The following PARD3B variants were observed in gnomAD, a reference collection of about 807,000 sequenced individuals.
The protein encoded by PARD3B is partitioning defective 3 homolog B.
PARD3B carries 103 observed loss-of-function variants against 130.2 expected under a neutral mutation model. The ratio of observed to expected loss-of-function variants is 0.79; its 90% CI spans 0.67 to 0.93. The LOEUF is 0.93. Ranked by LOEUF, PARD3B falls within the 40% of genes least tolerant of loss-of-function variation. The pLI, the probability that PARD3B is intolerant of heterozygous loss-of-function variation, is 0.00. For synonymous variants in PARD3B, 583 were observed against 553.2 expected, an observed-to-expected ratio of 1.05 and a Z score of -0.76; for missense variants, 1,609 against 1,499.2, an observed-to-expected ratio of 1.07 and a Z score of -1.21.
At chr2:205,326,853 T>C (rs1472680938) in intron 18 of PARD3B, among the ~76,000 whole-genome samples, 1 of 152,122 alleles carries the variant, frequency 6.6e-6, no homozygotes, top group South Asian at 2.1e-4. Context: ...TAAATACTTA[T>C]CATGTAGCAA....
chr2:204,692,697 G>A (rs2037412686), intron 2 of PARD3B, among the ~76,000 whole-genome samples: 1 of 152,002 alleles, frequency 6.6e-6, no homozygotes, highest in Admixed American at 6.6e-5. Context: ...AAGCACAAAA[G>A]CACATAGAAG....
intron 1 of PARD3B, among the ~76,000 whole-genome samples, chr2:204,551,260 A>G (rs926033501): frequency 2.6e-5 from 4 of 152,114 alleles, no homozygotes; most frequent in African/African-American, 9.7e-5. Context: ...CCAGATTCCT[A>G]TCTTCTTTGG....
chr2:204,737,255 C>T (rs977978863), intron 2 of PARD3B, among the ~76,000 whole-genome samples: 3 of 152,140 alleles, frequency 2.0e-5, no homozygotes, highest in Non-Finnish European at 2.9e-5. Flanking sequence ...TGAGCCACTG[C>T]GTCCCACTGA....
chr2:204,806,282 A>G lies in PARD3B; in HGVS notation c.222+120000A>G, dbSNP rs562389991. 1.1e-4 allele frequency among the ~76,000 whole-genome samples: 17 copies of G among 152,320 alleles called. No homozygotes were observed. The South Asian group carries it at 3.5e-3, about 32-fold the overall frequency. ...AACCAAAAAAGCATGGTACTGGCAT[A>G]AAAACAGACACATAGACCAATGGAA... On this transcript the variant is annotated intron_variant, in intron 2 of 22. Coordinates refer to ENST00000406610, the MANE Select transcript of PARD3B (RefSeq NM_001302769.2).
intron 2 of PARD3B, among the ~76,000 whole-genome samples, chr2:204,802,194 A>G (rs1008914385): frequency 6.6e-6 from 1 of 152,216 alleles, no homozygotes; most frequent in Admixed American, 6.5e-5. Flanking sequence ...ATGAACAGGC[A>G]CTTCTCAATA....
chr2:204,716,772 G>A (rs919493450), intron 2 of PARD3B, among the ~76,000 whole-genome samples: 3 of 151,658 alleles, frequency 2.0e-5, no homozygotes, highest in Admixed American at 6.6e-5. Context: ...ACAGGCGCCC[G>A]CCACCACGCC....
intron 18 of PARD3B, among the ~76,000 whole-genome samples, chr2:205,317,054 G>A (rs1032114900): frequency 2.0e-5 from 3 of 152,092 alleles, no homozygotes; most frequent in African/African-American, 7.2e-5. Flanking sequence ...CTCAAAGTGT[G>A]GTAGGGCATA....
chr2:204,603,151 A>G (rs2125107344), intron 1 of PARD3B, among the ~76,000 whole-genome samples: 1 of 152,228 alleles, frequency 6.6e-6, no homozygotes, highest in South Asian at 2.1e-4. Context: ...AAGTCTGAAA[A>G]GTTAAAGGTA....
intron 16 of PARD3B, among the ~76,000 whole-genome samples, chr2:205,264,195 G>A (rs906081177): frequency 1.3e-5 from 2 of 150,962 alleles, no homozygotes; most frequent in African/African-American, 4.9e-5. Context: ...CAAGGTTAGC[G>A]ATACAGATTT....
intron 11 of PARD3B, among the ~76,000 whole-genome samples, chr2:205,166,580 A>G (rs955054471): frequency 6.6e-6 from 1 of 152,160 alleles, no homozygotes; most frequent in African/African-American, 2.4e-5. Flanking sequence ...TTCCATTGCA[A>G]TTGTTTTTAA....
At chr2:204,773,659 G>A (rs1325094520) in intron 2 of PARD3B, among the ~76,000 whole-genome samples, 1 of 152,044 alleles carries the variant, frequency 6.6e-6, no homozygotes, top group Admixed American at 6.6e-5. Context: ...TTACAAAAAT[G>A]CAAAATATAA....
Position 205,291,647 on chromosome 2 carries a change from G to C in PARD3B, c.2186-8883G>C, listed in dbSNP as rs559847988. Among the ~76,000 whole-genome samples, 1 of 152,288 alleles carries C rather than the reference G, an allele frequency of 6.6e-6. No individual in the cohort carries two copies. Among genetic ancestry groups the C allele is most frequent in the South Asian group, 2.1e-4 (1 of 4,826 alleles). ...TGTAGATAGTTTGTTTGAACCCATAGGCACAGCCTGGCTTTTTCTGACTGC... is the reference window on the plus strand; with the variant it reads ...TGTAGATAGTTTGTTTGAACCCATACGCACAGCCTGGCTTTTTCTGACTGC... On this transcript the variant is annotated intron_variant, in intron 16 of 22. Coordinates refer to ENST00000406610, the MANE Select transcript of PARD3B (RefSeq NM_001302769.2). This position sits in a 1 kb window ranked among gnomAD's most constrained non-coding sequence, Gnocchi z 4.6.
At chr2:205,088,730 A>G (rs1045999896) in intron 4 of PARD3B, among the ~76,000 whole-genome samples, 1 of 151,688 alleles carries the variant, frequency 6.6e-6, no homozygotes, top group Non-Finnish European at 1.5e-5. Context: ...TGTGTCAATA[A>G]TAGAGATTTA....
chr2:205,398,249 C>T (rs189002449), intron 18 of PARD3B, among the ~76,000 whole-genome samples: 5 of 152,068 alleles, frequency 3.3e-5, no homozygotes, highest in African/African-American at 1.2e-4. Context: ...TGCAGTGAGC[C>T]GAGATCGCAT....
At chr2:204,839,329 C>G (rs1321357365) in intron 2 of PARD3B, among the ~76,000 whole-genome samples, 2 of 152,140 alleles carry the variant, frequency 1.3e-5, no homozygotes, top group East Asian at 3.8e-4. Context: ...TTTTCTAAGT[C>G]ATTTTGTAGA....
At chr2:204,778,853 G>A (rs543426834) in intron 2 of PARD3B, among the ~76,000 whole-genome samples, 5 of 152,046 alleles carry the variant, frequency 3.3e-5, no homozygotes, top group South Asian at 4.2e-4. Context: ...CATCCTATGC[G>A]TACGTCCGAT....
chr2:205,437,934 G>T lies in PARD3B; in HGVS notation c.2742-2436G>T, dbSNP rs1450896788. ...ACTATAAACAAGTAAAATTCTCAAT[G>T]AATTGGGGGTGGGGGTGAGGGTCAA... On this transcript the variant is annotated intron_variant, in intron 19 of 22. Transcript: ENST00000406610. Among the ~76,000 whole-genome samples the T allele has an allele frequency of 3.9e-5, 6 of 152,094 alleles. No homozygotes were observed. In the East Asian group the frequency reaches 1.2e-3, roughly 29 times the overall value.
chr2:204,607,694 G>A (rs562625101), intron 1 of PARD3B, among the ~76,000 whole-genome samples: 4 of 152,134 alleles, frequency 2.6e-5, no homozygotes, highest in African/African-American at 9.7e-5. Context: ...GAGGGGGATG[G>A]CTACACTAAA....
rs1339296472 is a variant in PARD3B at position 205,281,885 on chromosome 2, G to A, written c.2186-18645G>A. Among the ~76,000 whole-genome samples the A allele has an allele frequency of 6.6e-6, 1 of 152,176 alleles. No individual in the cohort carries two copies. The highest frequency in any genetic ancestry group is 1.9e-4 in the East Asian group (1 of 5,202). On this transcript the variant is annotated intron_variant, in intron 16 of 22. Coordinates refer to ENST00000406610, the MANE Select transcript of PARD3B (RefSeq NM_001302769.2). The surrounding 1 kb of genome is among the most constrained non-coding windows in gnomAD (Gnocchi z 4.2). ...ATGAGAATGCCTTGTAGTTGAAGAG[G>A]AAGACAAAAAGAAACTAATTCTACT...
Sources: allele counts gnomAD v4.1 joint callset (sites outside exome capture counted in the v4.1 genomes callset), GRCh38; gene constraint gnomAD v4.1.1; non-coding constraint Gnocchi (gnomAD v3.1); transcripts MANE v1.5; gene names NCBI Gene and HGNC (gene_info 2026-07-23, HGNC 2026-07-21).